The following FAM162B variants were observed in gnomAD, a reference collection of about 807,000 sequenced individuals.
FAM162B encodes the protein protein FAM162B.
A neutral mutation model predicts 20.0 loss-of-function variants in FAM162B; 16 were observed. The observed-to-expected ratio is 0.80, with a 90% CI of 0.54 to 1.21. The LOEUF (loss-of-function observed/expected upper bound fraction) is 1.21. Among genes scored for constraint, FAM162B ranks in the 50% most tolerant of loss-of-function variants. The pLI, the probability that FAM162B is intolerant of heterozygous loss-of-function variation, is 0.00. For synonymous variants in FAM162B, 83 were observed against 89.7 expected (o/e 0.93, Z 0.42); for missense variants, 260 against 227.5 (o/e 1.14, Z -0.92).
chr6:116,765,406 G>C lies in FAM162B; in HGVS notation c.171C>G (p.His57Gln). 6.8e-7 allele frequency: 1 copy of C among 1,465,402 alleles called. No homozygotes were observed. The highest frequency in any genetic ancestry group is 1.4e-5 in the South Asian group (1 of 70,558). The allele number at this position is 1,465,402 out of a possible 1,614,324, so 90.8% of individuals were successfully genotyped here. A position where few individuals can be genotyped will look rare whatever the true frequency, so the allele number is the denominator to read the frequency against. ...CTCCCCGTCGGAGCCCTGGCTCACC[G>C]TGACCTTGGGGCCCAGAATTGCTGG... is the stretch of plus-strand genomic sequence containing the variant. ...GAPSNSGPQG[H>Q]GEIHRVPTQR... is the part of the protein sequence containing the mutation. The change falls in exon 1 of 4, where the codon CAC (histidine) becomes CAG (glutamine). Residue 57 changes from histidine to glutamine, a missense_variant and splice_region_variant. Physicochemically the swap from His to Gln is conservative, Grantham distance 24. Coordinates refer to ENST00000368557, the MANE Select transcript of FAM162B (RefSeq NM_001085480.3).
At chr6:116,758,410 C>A (rs1780077700) in intron 3 of FAM162B, among the ~76,000 whole-genome samples, 1 of 152,142 alleles carries the variant, frequency 6.6e-6, no homozygotes, top group African/African-American at 2.4e-5. Context: ...ATCTTTCACC[C>A]ATTTTTTAAA....
rs2114555945 is a variant in FAM162B at position 116,765,667 on chromosome 6, G to A, written c.-91C>T. 8.1e-7 allele frequency: 1 copy of A among 1,229,110 alleles called. No homozygotes were observed. Among genetic ancestry groups the A allele is most frequent in the East Asian group, 3.2e-5 (1 of 31,540 alleles). 76.1% of individuals were successfully genotyped at this position (1,229,110 alleles called of 1,614,324 possible). A position where few individuals can be genotyped will look rare whatever the true frequency, so the allele number is the denominator to read the frequency against. On this transcript the variant is annotated 5_prime_UTR_variant, in exon 1 of 4. Coordinates refer to ENST00000368557, the MANE Select transcript of FAM162B (RefSeq NM_001085480.3). The stretch of plus-strand genomic sequence containing the variant: ...TCTCCTCGTCCCGCCCCGGCCTGCC[G>A]CGCGCTGGAGAGCCTGGGACGTGCA...
chr6:116,752,709 GAAATATAT>G lies in FAM162B; in HGVS notation c.391-22_391-15del. 1.1e-6 allele frequency: 1 copy of G among 942,784 alleles called. No individual in the cohort carries two copies. Among genetic ancestry groups the G allele is most frequent in the Non-Finnish European group, 1.5e-6 (1 of 673,146 alleles). The allele number at this position is 942,784 out of a possible 1,614,324, so 58.4% of individuals were successfully genotyped here. ...TCGTTCTACAGCCTGTGGGGGGGAA[GAAATATAT>G]ATATATATATATATATAGATACACG... On this transcript the variant is annotated splice_polypyrimidine_tract_variant and intron_variant, in intron 3 of 3. Transcript: ENST00000368557.
intron 3 of FAM162B, among the ~76,000 whole-genome samples, chr6:116,756,663 G>A (rs1210253968): frequency 1.3e-5 from 2 of 152,244 alleles, no homozygotes; most frequent in East Asian, 3.9e-4. Context: ...CAACTGATAT[G>A]GCAAACTTCA....
At chr6:116,758,249 C>G (rs1388889844) in intron 3 of FAM162B, among the ~76,000 whole-genome samples, 1 of 152,126 alleles carries the variant, frequency 6.6e-6, no homozygotes, top group Non-Finnish European at 1.5e-5. Flanking sequence ...CTACAATTCT[C>G]TCAGTGAGGT....
At chr6:116,764,644 T>A (rs1002666544) in intron 2 of FAM162B, among the ~76,000 whole-genome samples, 6 of 152,128 alleles carry the variant, frequency 3.9e-5, no homozygotes, top group African/African-American at 1.4e-4. Flanking sequence ...AGGCGTCTCC[T>A]GCCCCAGAAG....
intron 3 of FAM162B, among the ~76,000 whole-genome samples, chr6:116,756,496 T>C (rs1413802366): frequency 1.3e-5 from 2 of 152,224 alleles, no homozygotes; most frequent in African/African-American, 2.4e-5. Flanking sequence ...TTGGTGAAAT[T>C]AGAACAAAGT....
At chr6:116,754,092 T>A (rs1364661044) in intron 3 of FAM162B, among the ~76,000 whole-genome samples, 1 of 152,200 alleles carries the variant, frequency 6.6e-6, no homozygotes, top group Non-Finnish European at 1.5e-5. Context: ...CATATATCCA[T>A]TTATAACTAA....
chr6:116,760,838 A>G (rs1384858400), intron 3 of FAM162B, among the ~76,000 whole-genome samples: 1 of 152,188 alleles, frequency 6.6e-6, no homozygotes, highest in African/African-American at 2.4e-5. Flanking sequence ...CCCTGTGTGA[A>G]GTTAGTGGGC....
At chr6:116,758,195 T>C (rs1327292724) in intron 3 of FAM162B, among the ~76,000 whole-genome samples, 1 of 152,124 alleles carries the variant, frequency 6.6e-6, no homozygotes, top group Admixed American at 6.5e-5. Flanking sequence ...AAGCAAAATA[T>C]ACAGGATTAT....
chr6:116,764,052 G>A (rs1270965840), intron 2 of FAM162B, among the ~76,000 whole-genome samples: 2 of 152,094 alleles, frequency 1.3e-5, no homozygotes, highest in Admixed American at 6.5e-5. Flanking sequence ...ATAAAAGAAC[G>A]AAAATGCTTC....
Position 116,759,415 on chromosome 6 carries a change from C to T in FAM162B, c.390+2562G>A, listed in dbSNP as rs369833150. ...CTCCTGGGTTCACGCCATTCTCCTG[C>T]GTAGCCTCCCGAGTAGCTGGGACTG... On this transcript the variant is annotated intron_variant, in intron 3 of 3. Transcript: ENST00000368557. Among the ~76,000 whole-genome samples the T allele has an allele frequency of 3.2e-3, 388 of 122,942 alleles. 1 individual carries two copies. Among genetic ancestry groups the T allele is most frequent in the African/African-American group, 0.011 (376 of 35,516 alleles). 80.7% of individuals were successfully genotyped at this position (122,942 alleles called of 152,430 possible).
intron 3 of FAM162B, 33 bp from the exon 4 acceptor site, chr6:116,752,728 A>G: frequency 1.6e-6 from 1 of 630,404 alleles, no homozygotes; most frequent in African/African-American, 2.5e-5. Flanking sequence ...ATATATATAT[A>G]TATATAGATA....
rs749020215 is a variant in FAM162B at position 116,765,557 on chromosome 6, C to T, written c.20G>A (p.Ser7Asn). MLRAVG[S>N]LLRLGRGLTV... ...TAGCCCGCGGCCAAGGCGCAGTAGG[C>T]TCCCGACCGCCCTGAGCATGCTGCC... Residue 7 changes from serine to asparagine, a missense_variant, in exon 1 of 4, where the codon AGC (serine) becomes AAC (asparagine). Physicochemically the swap from Ser to Asn is conservative, Grantham distance 46. Coordinates refer to ENST00000368557, the MANE Select transcript of FAM162B (RefSeq NM_001085480.3). The T allele has an allele frequency of 2.2e-5, 31 of 1,378,612 alleles. No homozygotes were observed. Among genetic ancestry groups the T allele is most frequent in the Non-Finnish European group, 2.8e-5 (30 of 1,074,990 alleles). The allele number at this position is 1,378,612 out of a possible 1,614,324, so 85.4% of individuals were successfully genotyped here. A position where few individuals can be genotyped will look rare whatever the true frequency, so the allele number is the denominator to read the frequency against.
At chr6:116,761,476 C>T (rs984864655) in intron 3 of FAM162B, among the ~76,000 whole-genome samples, 10 of 151,632 alleles carry the variant, frequency 6.6e-5, no homozygotes, top group Non-Finnish European at 1.2e-4. Context: ...CAAAGTTCTC[C>T]GTCTTCTGCA....
chr6:116,755,551 T>A (rs1411723318), intron 3 of FAM162B, among the ~76,000 whole-genome samples: 1 of 152,240 alleles, frequency 6.6e-6, no homozygotes, highest in Non-Finnish European at 1.5e-5. Flanking sequence ...ATCTAGAAGA[T>A]CTATTATAGC....
Position 116,765,694 on chromosome 6 carries a change from C to T in FAM162B, c.-118G>A. 1 of 1,127,642 alleles carries T rather than the reference C, an allele frequency of 8.9e-7. No homozygotes were observed. The highest frequency in any genetic ancestry group is 1.1e-6 in the Non-Finnish European group (1 of 893,212). The allele number at this position is 1,127,642 out of a possible 1,614,324, so 69.9% of individuals were successfully genotyped here. On this transcript the variant is annotated 5_prime_UTR_variant, in exon 1 of 4. Coordinates refer to ENST00000368557, the MANE Select transcript of FAM162B (RefSeq NM_001085480.3). ...GCGCTGGAGAGCCTGGGACGTGCAG[C>T]TGGAACCCCTGGCGCTCGCACACTC...
chr6:116,765,234 G>GT lies in FAM162B; in HGVS notation c.193dup (p.Thr65AsnfsTer72). 2 of 1,613,814 alleles carry GT rather than the reference G, an allele frequency of 1.2e-6. No individual in the cohort carries two copies. Among genetic ancestry groups the GT allele is most frequent in the Non-Finnish European group, 1.7e-6 (2 of 1,179,950 alleles). On this transcript the variant is annotated frameshift_variant, in exon 2 of 4. Coordinates refer to ENST00000368557, the MANE Select transcript of FAM162B (RefSeq NM_001085480.3). LOFTEE classifies it high-confidence loss of function. ...GTCGAACTGCGAAGGCCTGCGCTGCGTGGGGACTCGGTGAATCTCCCCTGC... is the reference window on the plus strand; with the variant it reads ...GTCGAACTGCGAAGGCCTGCGCTGCGTTGGGGACTCGGTGAATCTCCCCTGC...
intron 3 of FAM162B, among the ~76,000 whole-genome samples, chr6:116,753,048 A>C (rs1310000847): frequency 6.6e-6 from 1 of 152,034 alleles, no homozygotes. Context: ...TCTCACATTT[A>C]ATATAGCCAA....
Sources: gnomAD v4.1 joint callset for allele counts (sites outside exome capture counted in the v4.1 genomes callset) on GRCh38, gnomAD v4.1.1 for gene constraint, MANE v1.5 for transcripts, NCBI Gene and HGNC (gene_info 2026-07-23, HGNC 2026-07-21) for gene names.